The following PDXDC1 variants were observed in gnomAD, a reference collection of about 807,000 sequenced individuals.
PDXDC1 encodes pyridoxal dependent decarboxylase domain containing 1.
PDXDC1 carries 42 observed loss-of-function variants against 100.1 expected under a neutral mutation model. The observed-to-expected ratio is 0.42, with a 90% CI of 0.33 to 0.54. PDXDC1 has a LOEUF of 0.54. PDXDC1 is among the 20% of genes least tolerant of loss of function. The pLI is 0.10. For synonymous variants in PDXDC1, 260 were observed against 371.7 expected, an observed-to-expected ratio of 0.70 and a Z score of 3.46; for missense variants, 636 against 979.2, an observed-to-expected ratio of 0.65 and a Z score of 4.68.
At chr16:15,024,168 C>CTGAAAAAA (rs1445936962) in intron 13 of PDXDC1, among the ~76,000 whole-genome samples, 1 of 152,278 alleles carries the variant, frequency 6.6e-6, no homozygotes, top group Non-Finnish European at 1.5e-5. Flanking sequence ...GTCCCTTCTT[C>CTGAAAAAA]CAATGGCTGT....
intron 16 of PDXDC1, among the ~76,000 whole-genome samples, chr16:15,064,110 G>A (rs1352552590): frequency 1.3e-5 from 2 of 152,002 alleles, no homozygotes; most frequent in African/African-American, 4.8e-5. Flanking sequence ...TTATACAAGT[G>A]CCAAGTTAAG....
chr16:15,004,249 T>A lies in PDXDC1; in HGVS notation c.305T>A (p.Ile102Asn). The A allele has an allele frequency of 6.2e-7, 1 of 1,614,188 alleles. No homozygotes were observed. The highest frequency in any genetic ancestry group is 8.5e-7 in the Non-Finnish European group (1 of 1,180,006). The stretch of plus-strand genomic sequence containing the variant: ...TTGGGACATAGTCTGGGAGCTTATA[T>A]TTCAACTCTGGACAAAGAGAAGCTG... ...ALLGHSLGAY[I>N]STLDKEKLRK... The change falls in exon 5 of 23, where the codon ATT (isoleucine) becomes AAT (asparagine). Residue 102 changes from isoleucine (I) to asparagine (N), a missense_variant. This residue lies in a region of PDXDC1 where 125 missense variants were observed against 479.9 expected (regional missense o/e 0.26). Transcript: ENST00000396410.
rs1970030691 is a variant in PDXDC1 at position 14,988,877 on chromosome 16, C to G, written c.22-8876C>G. On this transcript the variant is annotated intron_variant, in intron 1 of 22. Coordinates refer to ENST00000396410, the MANE Select transcript of PDXDC1 (RefSeq NM_015027.4). ...CACTCTTCTGGAGGGTCAGCCTCCA[C>G]AGGTCAGAGAGCTGCAGGATCTGCT... 6 of 1,613,838 alleles carry G rather than the reference C, an allele frequency of 3.7e-6. No homozygotes were observed. The Admixed American group carries it at 1.0e-4, about 27-fold the overall frequency.
At chr16:15,141,480 G>T (rs1296468428), downstream of PDXDC1, among the ~76,000 whole-genome samples, 2 of 152,190 alleles carry the variant, frequency 1.3e-5, no homozygotes, top group Non-Finnish European at 1.5e-5. Context: ...GGAGGGCACG[G>T]TTGGGGGTGC....
intron 16 of PDXDC1, among the ~76,000 whole-genome samples, chr16:15,062,867 G>A (rs1285182819): frequency 1.3e-5 from 2 of 152,324 alleles, no homozygotes; most frequent in Admixed American, 1.3e-4. Flanking sequence ...CGGTTTTGGT[G>A]TGCTTTTTTA....
intron 16 of PDXDC1, among the ~76,000 whole-genome samples, chr16:15,048,678 T>C (rs535362967): frequency 2.0e-5 from 3 of 152,318 alleles, no homozygotes; most frequent in South Asian, 4.1e-4. Context: ...AGCTGGAGTA[T>C]AGTGGTACAA....
chr16:15,033,165 T>A, intron 18 of PDXDC1, 113 bp from the exon 19 acceptor site: 1 of 1,228,440 alleles, frequency 8.1e-7, no homozygotes, highest in Non-Finnish European at 1.2e-6. Context: ...CCTTAGAATC[T>A]CCATGGAGGA....
chr16:15,102,006 G>A (rs1273743559), intron 16 of PDXDC1, among the ~76,000 whole-genome samples: 1 of 151,990 alleles, frequency 6.6e-6, no homozygotes, highest in African/African-American at 2.4e-5. Flanking sequence ...GTGCCACCAT[G>A]CCTGGCTAAT....
At chr16:14,996,691 C>T (rs1176732063) in intron 1 of PDXDC1, among the ~76,000 whole-genome samples, 1 of 152,238 alleles carries the variant, frequency 6.6e-6, no homozygotes, top group Non-Finnish European at 1.5e-5. Flanking sequence ...CTTGTATCTA[C>T]AAAAAAATTT....
chr16:15,130,143 G>C, intron 16 of PDXDC1: 3 of 1,358,176 alleles, frequency 2.2e-6, no homozygotes, highest in South Asian at 2.5e-5. Context: ...GGATAGAGCC[G>C]AGCCCACCCA....
At position 15,086,562 on chromosome 16, in the gene PDXDC1, G is replaced by T; in HGVS notation, c.1400-52317G>T. The T allele has an allele frequency of 4.0e-6, 6 of 1,501,122 alleles. No individual in the cohort carries two copies. The South Asian group carries it at 7.8e-5, about 19-fold the overall frequency. 93.0% of individuals were successfully genotyped at this position (1,501,122 alleles called of 1,614,324 possible). A position where few individuals can be genotyped will look rare whatever the true frequency, so the allele number is the denominator to read the frequency against. On this transcript the variant is annotated intron_variant, in intron 16 of 16. Coordinates refer to the PDXDC1 transcript ENST00000535621. ...ATCAAGAATAGGTTGGGGGGAAAAG[G>T]TCACAAACTTGGAAGGAACTCAAAA...
chr16:15,136,166 G>T (rs1163658538), intron 16 of PDXDC1: 18 of 1,029,118 alleles, frequency 1.7e-5, no homozygotes, highest in African/African-American at 3.1e-5. Context: ...GGGGCTCAGG[G>T]CACTCCTCCA....
intron 16 of PDXDC1, among the ~76,000 whole-genome samples, chr16:15,043,897 G>A (rs1323485073): frequency 1.3e-5 from 2 of 151,930 alleles, no homozygotes; most frequent in African/African-American, 4.8e-5. Context: ...GCAGTGAGCC[G>A]AGATCATGCT....
rs748398629 is a variant in PDXDC1, at chr16:15,032,899, C to T, written c.1610C>T (p.Ser537Leu). The change falls in exon 18 of 23, where the codon TCA (serine) becomes TTA (leucine). Residue 537 changes from serine to leucine, a missense_variant. Physicochemically the swap from Ser to Leu is moderately radical, Grantham distance 145 (BLOSUM62 -2). Coordinates refer to ENST00000396410, the MANE Select transcript of PDXDC1 (RefSeq NM_015027.4). ...AATGATGATAAGAGCAGTTTGAAAT[C>T]AGATCCCGAAGGGGAAAACATCCAT... is the stretch of plus-strand genomic sequence containing the variant. ...HANDDKSSLK[S>L]DPEGENIHAG... 6.2e-7 allele frequency: 1 copy of T among 1,610,504 alleles called. No individual in the cohort carries two copies. The highest frequency in any genetic ancestry group is 1.1e-5 in the South Asian group (1 of 91,000).
intron 16 of PDXDC1, chr16:15,133,305 C>T (rs549670276): frequency 4.6e-5 from 72 of 1,570,884 alleles, no homozygotes; most frequent in African/African-American, 3.2e-4. Context: ...TACTCGATGA[C>T]GTGCTGGGGA....
At chr16:15,094,112 C>T in intron 16 of PDXDC1, 1 of 1,557,762 alleles carries the variant, frequency 6.4e-7, no homozygotes, top group Non-Finnish European at 8.7e-7. Context: ...GCTTTCGTCC[C>T]AGATACGCAG....
At chr16:15,087,588 G>A (rs1179546063) in intron 16 of PDXDC1, among the ~76,000 whole-genome samples, 9 of 152,064 alleles carry the variant, frequency 5.9e-5, no homozygotes, top group Non-Finnish European at 1.0e-4. Context: ...ATTTTCTGAT[G>A]AAATCCCAAG....
chr16:15,148,401 T>TTTTG, the PDXDC1 span, among the ~76,000 whole-genome samples: 1 of 102,520 alleles, frequency 9.8e-6, no homozygotes. Flanking sequence ...TTTTTTTTTT[T>TTTTG]GAGACAGGGT....
chr16:15,106,804 T>C (rs2046825903), intron 16 of PDXDC1, among the ~76,000 whole-genome samples: 1 of 93,160 alleles, frequency 1.1e-5, no homozygotes, highest in Middle Eastern at 6.4e-3. Flanking sequence ...ATCCAAACTG[T>C]TGCTATATTG....
Sources: allele counts gnomAD v4.1 joint callset (sites outside exome capture counted in the v4.1 genomes callset), GRCh38; gene constraint gnomAD v4.1.1; regional missense constraint gnomAD v4.1.1; transcripts MANE v1.5; gene names NCBI Gene and HGNC (gene_info 2026-07-23, HGNC 2026-07-21).